The following PGPEP1L variants were observed in gnomAD, a reference collection of about 807,000 sequenced individuals.
The protein encoded by PGPEP1L is pyroglutamyl-peptidase 1-like protein.
In PGPEP1L, 7 loss-of-function variants were observed where a neutral mutation model predicts 6.0. The observed-to-expected ratio is 1.17, with a 90% CI of 0.66 to 2.19. The LOEUF (loss-of-function observed/expected upper bound fraction) is 2.19. Ranked by LOEUF, PGPEP1L falls within the 30% of genes most tolerant of loss-of-function variation. The pLI is 0.00. For synonymous variants in PGPEP1L, 103 were observed against 83.9 expected (o/e 1.23, Z -1.24); for missense variants, 209 against 192.5 (o/e 1.09, Z -0.51).
At chr15:98,969,880 A>C (rs186921717) in intron 3 of PGPEP1L, among the ~76,000 whole-genome samples, 59 of 152,274 alleles carry the variant, frequency 3.9e-4, no homozygotes, top group African/African-American at 1.3e-3. Context: ...TGCTGCATTT[A>C]CATTTAAATG....
intron 2 of PGPEP1L, among the ~76,000 whole-genome samples, chr15:99,002,334 G>A (rs2017984676): frequency 6.6e-6 from 1 of 152,178 alleles, no homozygotes; most frequent in African/African-American, 2.4e-5. Context: ...TTATACAGAT[G>A]GAGAACAGAC....
At chr15:98,978,544 T>G (rs138914332) in intron 2 of PGPEP1L, among the ~76,000 whole-genome samples, 1,806 of 151,988 alleles carry the variant, frequency 0.012, 32 homozygotes, top group African/African-American at 0.041. Flanking sequence ...CCAGTAGACT[T>G]CCCTTTTTTG....
chr15:98,970,925 TG>T, intron 3 of PGPEP1L, 110 bp downstream of exon 3: 1 of 1,487,778 alleles, frequency 6.7e-7, no homozygotes, highest in Non-Finnish European at 9.0e-7. Flanking sequence ...TGGTGGGGCC[TG>T]GGGACGGGGT....
intron 2 of PGPEP1L, among the ~76,000 whole-genome samples, chr15:98,976,390 G>A (rs1393435547): frequency 1.3e-5 from 2 of 152,132 alleles, no homozygotes; most frequent in Non-Finnish European, 2.9e-5. Context: ...TAATTAAGTT[G>A]GGATTTTAAC....
chr15:99,006,062 T>C (rs2018054290), intron 1 of PGPEP1L, among the ~76,000 whole-genome samples: 1 of 152,214 alleles, frequency 6.6e-6, no homozygotes, highest in African/African-American at 2.4e-5. Flanking sequence ...GAGAAAACCA[T>C]AGATGAATCT....
chr15:98,985,762 G>A (rs958855593), intron 2 of PGPEP1L, among the ~76,000 whole-genome samples: 1 of 152,172 alleles, frequency 6.6e-6, no homozygotes, highest in Non-Finnish European at 1.5e-5. Flanking sequence ...TTCCTCATCT[G>A]CAAAATGGGA....
At chr15:98,996,448 T>C (rs1187196655) in intron 2 of PGPEP1L, among the ~76,000 whole-genome samples, 4 of 152,160 alleles carry the variant, frequency 2.6e-5, no homozygotes, top group African/African-American at 9.7e-5. Flanking sequence ...AACCACTCAC[T>C]CACCTCAGCC....
Position 98,978,726 on chromosome 15 carries a change from ATTT to A in PGPEP1L, c.-141-7571_-141-7569del, listed in dbSNP as rs57804945. Among the ~76,000 whole-genome samples, 786 of 85,064 alleles carry A rather than the reference ATTT, an allele frequency of 9.2e-3. 2 individuals are homozygous for A. The highest frequency in any genetic ancestry group is 0.015 in the Middle Eastern group (2 of 134). 55.8% of individuals were successfully genotyped at this position (85,064 alleles called of 152,430 possible). On this transcript the variant is annotated intron_variant, in intron 2 of 4. Transcript: ENST00000535714. ...ACTGTGTATATATATATATATATAT[ATTT>A]TTTTTTTTTTTTTTTTTTTGAGGCA...
At chr15:98,991,727 C>T (rs2017822679) in intron 2 of PGPEP1L, among the ~76,000 whole-genome samples, 1 of 152,184 alleles carries the variant, frequency 6.6e-6, no homozygotes, top group African/African-American at 2.4e-5. Context: ...CAAACTGAAT[C>T]CAGCAGCACA....
chr15:98,980,116 C>A (rs1388444530), intron 2 of PGPEP1L, among the ~76,000 whole-genome samples: 2 of 152,132 alleles, frequency 1.3e-5, no homozygotes, highest in Non-Finnish European at 2.9e-5. Flanking sequence ...ACCAAAATCT[C>A]ACAAATCACC....
At chr15:98,977,347 T>C (rs1277040996) in intron 2 of PGPEP1L, among the ~76,000 whole-genome samples, 2 of 152,252 alleles carry the variant, frequency 1.3e-5, no homozygotes, top group Admixed American at 1.3e-4. Flanking sequence ...TCTTCTGCTA[T>C]AATATTGTTT....
intron 2 of PGPEP1L, chr15:98,998,153 G>A (rs1229035168): frequency 3.3e-5 from 5 of 152,646 alleles, no homozygotes; most frequent in African/African-American, 1.2e-4. Flanking sequence ...GCTGCCGGAA[G>A]GGCCCAAAAC....
chr15:98,970,282 G>A (rs1453418615), intron 3 of PGPEP1L, among the ~76,000 whole-genome samples: 1 of 152,174 alleles, frequency 6.6e-6, no homozygotes, highest in South Asian at 2.1e-4. Context: ...GACCTCAAGT[G>A]ATCCGCCTGC....
At chr15:98,987,105 G>A (rs1439439004) in intron 2 of PGPEP1L, among the ~76,000 whole-genome samples, 2 of 126,154 alleles carry the variant, frequency 1.6e-5, no homozygotes, top group African/African-American at 6.1e-5. Context: ...AGGCGAGGTT[G>A]CAATGAGCCA....
At chr15:99,000,060 G>C (rs2017939301) in intron 2 of PGPEP1L, among the ~76,000 whole-genome samples, 1 of 152,244 alleles carries the variant, frequency 6.6e-6, no homozygotes, top group African/African-American at 2.4e-5. Context: ...GAGAGGCGCG[G>C]GCGGGAACCG....
intron 3 of PGPEP1L, among the ~76,000 whole-genome samples, chr15:98,970,274 C>A (rs1371739388): frequency 1.3e-5 from 2 of 151,374 alleles, no homozygotes; most frequent in Admixed American, 1.3e-4. Context: ...AAACTCCTGA[C>A]CTCAAGTGAT....
At position 98,982,990 on chromosome 15, in the gene PGPEP1L, C is replaced by T. The variant is rs191586192; in HGVS notation, c.-141-11832G>A. ...CCTCCCAAAGTGCTGGGATTATAGG[C>T]GTGAGCCACCGCACCCAGCCTGAGG... On this transcript the variant is annotated intron_variant, in intron 2 of 4. Transcript: ENST00000535714. Among the ~76,000 whole-genome samples, 102 of 152,006 alleles carry T rather than the reference C, an allele frequency of 6.7e-4. 1 individual carries two copies. Among genetic ancestry groups the T allele is most frequent in the African/African-American group, 2.4e-3 (100 of 41,500 alleles).
At chr15:99,006,828 G>C (rs1211614298) in intron 1 of PGPEP1L, among the ~76,000 whole-genome samples, 1 of 152,018 alleles carries the variant, frequency 6.6e-6, no homozygotes, top group Non-Finnish European at 1.5e-5. Flanking sequence ...TTTTTAAACT[G>C]AAAATACTTT....
At chr15:98,984,194 C>T (rs1028366771) in intron 2 of PGPEP1L, among the ~76,000 whole-genome samples, 7 of 151,836 alleles carry the variant, frequency 4.6e-5, no homozygotes, top group Admixed American at 6.6e-5. Flanking sequence ...TGTATTTTAG[C>T]AGAGACAGAG....
Sources: gnomAD v4.1 joint callset for allele counts (sites outside exome capture counted in the v4.1 genomes callset) on GRCh38, gnomAD v4.1.1 for gene constraint, MANE v1.5 for transcripts, NCBI Gene and HGNC (gene_info 2026-07-23, HGNC 2026-07-21) for gene names.